Variants in ADGRB3 observed in about 807,000 individuals in gnomAD.
ADGRB3 encodes adhesion G protein-coupled receptor B3, also known as brain-specific angiogenesis inhibitor 3.
A neutral mutation model predicts 193.4 loss-of-function variants in ADGRB3; 37 were observed. That is an observed-to-expected ratio of 0.19 (90% CI 0.15 to 0.25). The LOEUF (loss-of-function observed/expected upper bound fraction) is 0.25. Among genes scored for constraint, ADGRB3 ranks in the 10% least tolerant of loss-of-function variants. ADGRB3 has a pLI of 1.00. For missense variants in ADGRB3, 1,637 were observed against 1,852.9 expected (o/e 0.88, Z 2.14); for synonymous variants, 690 against 644.2 (o/e 1.07, Z -1.08).
At chr6:68,943,763 A>G (rs2150251272) in intron 5 of ADGRB3, 67 bp from the exon 6 acceptor site, 1 of 1,373,958 alleles carries the variant, frequency 7.3e-7, no homozygotes, top group Non-Finnish European at 9.7e-7. Context: ...CTTTTTAATT[A>G]TAAAGAAAAT....
intron 20 of ADGRB3, among the ~76,000 whole-genome samples, chr6:69,299,897 T>C (rs1220008499): frequency 6.6e-6 from 1 of 151,848 alleles, no homozygotes; most frequent in East Asian, 1.9e-4. Flanking sequence ...ATTTAAGGAT[T>C]TCTTTTTCTA....
chr6:69,168,750 T>A (rs1417095695), intron 17 of ADGRB3, among the ~76,000 whole-genome samples: 1 of 152,154 alleles, frequency 6.6e-6, no homozygotes, highest in Non-Finnish European at 1.5e-5. Flanking sequence ...AGAAATGTTG[T>A]AGAATTACTC....
intron 6 of ADGRB3, 105 bp from the exon 7 acceptor site, chr6:68,955,919 C>A: frequency 9.2e-7 from 1 of 1,081,540 alleles, no homozygotes; most frequent in Non-Finnish European, 1.3e-6. Context: ...CATTCATAGT[C>A]CATTGATTGG....
At chr6:69,156,805 G>A (rs1774852038) in intron 17 of ADGRB3, among the ~76,000 whole-genome samples, 1 of 152,236 alleles carries the variant, frequency 6.6e-6, no homozygotes, top group Admixed American at 6.5e-5. Flanking sequence ...ATCACTGAAT[G>A]TTTAAGATGA....
chr6:68,653,282 GA>G (rs1252962272), intron 3 of ADGRB3, among the ~76,000 whole-genome samples: 4 of 152,124 alleles, frequency 2.6e-5, no homozygotes, highest in Non-Finnish European at 4.4e-5. Flanking sequence ...TTGAGACGCT[GA>G]GAAGTTAGGG....
intron 3 of ADGRB3, among the ~76,000 whole-genome samples, chr6:68,653,116 G>C (rs547019680): frequency 2.6e-5 from 4 of 152,104 alleles, no homozygotes; most frequent in African/African-American, 9.7e-5. Flanking sequence ...GACTGTGAAA[G>C]TGTCTTTGTT....
At chr6:68,930,824 AGCTGTGAATTGAAAAGT>A (rs1767317749) in intron 4 of ADGRB3, among the ~76,000 whole-genome samples, 155 bp downstream of exon 4, 1 of 152,136 alleles carries the variant, frequency 6.6e-6, no homozygotes, top group African/African-American at 2.4e-5. Context: ...TAAATAAAGT[AGCTGTGAATTGAAAAGT>A]GCACAAAAAT....
In ADGRB3 at chr6:69,307,670, G is replaced by A. The variant is rs191147848; in HGVS notation, c.2815-17202G>A. On this transcript the variant is annotated intron_variant, in intron 20 of 31. Coordinates refer to ENST00000370598, the MANE Select transcript of ADGRB3 (RefSeq NM_001704.3). The stretch of plus-strand genomic sequence containing the variant: ...GTTTTAAAAATTTGTACTACAAAAG[G>A]TAGGACTTTTTTTTTCTCCTGAGCC... Among the ~76,000 whole-genome samples, 493 of 151,390 alleles carry A rather than the reference G, an allele frequency of 3.3e-3. 7 individuals are homozygous for A. Among genetic ancestry groups the A allele is most frequent in the Non-Finnish European group, 5.2e-3 (353 of 67,784 alleles).
At chr6:69,296,958 CAG>C (rs1767832614) in intron 20 of ADGRB3, among the ~76,000 whole-genome samples, 1 of 152,080 alleles carries the variant, frequency 6.6e-6, no homozygotes, top group African/African-American at 2.4e-5. Flanking sequence ...TGTATGTCAA[CAG>C]AGTAAAATCA....
At chr6:68,902,061 C>A (rs1766409119) in intron 3 of ADGRB3, among the ~76,000 whole-genome samples, 1 of 151,940 alleles carries the variant, frequency 6.6e-6, no homozygotes, top group Non-Finnish European at 1.5e-5. Context: ...CACTCCAAAC[C>A]TTTTATCACT....
At chr6:69,000,392 A>G (rs1020819476) in intron 11 of ADGRB3, among the ~76,000 whole-genome samples, 8 of 152,224 alleles carry the variant, frequency 5.3e-5, no homozygotes, top group African/African-American at 1.4e-4. Context: ...TTTCAGTTAA[A>G]ATACACCTTA....
chr6:69,232,441 G>C, intron 17 of ADGRB3: 1 of 1,496,336 alleles, frequency 6.7e-7, no homozygotes, highest in Non-Finnish European at 8.9e-7. Context: ...ACACCAAAGA[G>C]AAAATTGAAC....
At chr6:69,388,678 C>T (rs750854132) in intron 31 of ADGRB3, 25 bp from the exon 32 acceptor site, 51 of 1,596,852 alleles carry the variant, frequency 3.2e-5, no homozygotes, top group Non-Finnish European at 1.2e-5. Context: ...ACATAAATGA[C>T]TCTCTTTCCC....
chr6:69,255,964 T>G (rs2074430946), intron 20 of ADGRB3, among the ~76,000 whole-genome samples: 1 of 152,152 alleles, frequency 6.6e-6, no homozygotes, highest in Non-Finnish European at 1.5e-5. Context: ...TAGGGAATCC[T>G]TTCCCCATTT....
chr6:69,075,831 A>C (rs1343513381), intron 16 of ADGRB3, among the ~76,000 whole-genome samples, 164 bp from the exon 17 acceptor site: 1 of 152,188 alleles, frequency 6.6e-6, no homozygotes, highest in Non-Finnish European at 1.5e-5. Context: ...TAAATCTATG[A>C]GAAACGAAAT....
At chr6:69,331,369 A>G (rs1682002531) in intron 23 of ADGRB3, among the ~76,000 whole-genome samples, 1 of 152,140 alleles carries the variant, frequency 6.6e-6, no homozygotes, top group South Asian at 2.1e-4. Flanking sequence ...TAAAGAAAAT[A>G]AGGGAGGAAA....
chr6:69,262,343 T>C (rs1409562647), intron 20 of ADGRB3, among the ~76,000 whole-genome samples: 1 of 152,050 alleles, frequency 6.6e-6, no homozygotes, highest in Non-Finnish European at 1.5e-5. Context: ...ATAGGCAAAC[T>C]TGAAAGCATG....
intron 3 of ADGRB3, among the ~76,000 whole-genome samples, chr6:68,846,684 A>G (rs1405874172): frequency 6.6e-6 from 1 of 152,228 alleles, no homozygotes; most frequent in Non-Finnish European, 1.5e-5. Flanking sequence ...GGGAAGCTCC[A>G]CCTAGATTTC....
intron 17 of ADGRB3, among the ~76,000 whole-genome samples, chr6:69,226,030 C>T (rs141995753): frequency 1.3e-5 from 2 of 152,144 alleles, no homozygotes; most frequent in African/African-American, 2.4e-5. Context: ...CCTTTCTACT[C>T]TCACTATTTC....
Sources: gnomAD v4.1 joint callset for allele counts (sites outside exome capture counted in the v4.1 genomes callset) on GRCh38, gnomAD v4.1.1 for gene constraint, MANE v1.5 for transcripts, NCBI Gene and HGNC (gene_info 2026-07-23, HGNC 2026-07-21) for gene names.